FXR1: variants seen among roughly 807,000 people sequenced by gnomAD.
The protein encoded by FXR1 is FMR1 autosomal homolog 1.
FXR1 carries 15 observed loss-of-function variants against 84.0 expected under a neutral mutation model. The ratio of observed to expected loss-of-function variants is 0.18; its 90% CI spans 0.12 to 0.27. The LOEUF is 0.27. FXR1 is among the 10% of genes least tolerant of loss of function. The pLI is 1.00. For missense variants in FXR1, 480 were observed against 774.4 expected, an observed-to-expected ratio of 0.62 and a Z score of 4.51; for synonymous variants, 245 against 250.7, an observed-to-expected ratio of 0.98 and a Z score of 0.21.
At chr3:180,966,313 G>A (rs992884284) in intron 13 of FXR1, among the ~76,000 whole-genome samples, 5 of 152,006 alleles carry the variant, frequency 3.3e-5, no homozygotes, top group African/African-American at 1.2e-4. Context: ...TTTTATAATT[G>A]ACTAGTTACA....
At position 180,982,353 on chromosome 3, in the gene FXR1, C is replaced by T; in HGVS notation, c.*6061C>T. On this transcript the variant is annotated 3_prime_UTR_variant, in exon 17 of 17. Transcript: ENST00000357559. ...AATCACCTACATGATCTAGAGCCCT[C>T]ACATGGATAACATTTAAATGTTCAG... 1 of 151,938 alleles carries T rather than the reference C, an allele frequency of 6.6e-6. No homozygotes were observed. The highest frequency in any genetic ancestry group is 1.9e-4 in the East Asian group (1 of 5,182). 9.4% of individuals were successfully genotyped at this position (151,938 alleles called of 1,614,324 possible).
chr3:180,946,521 T>TA (rs1293456146), intron 3 of FXR1, among the ~76,000 whole-genome samples: 1 of 152,226 alleles, frequency 6.6e-6, no homozygotes, highest in African/African-American at 2.4e-5. Context: ...AGTCATGAGA[T>TA]ATTGATCCCT....
chr3:180,917,314 A>C (rs1035258525), intron 1 of FXR1, among the ~76,000 whole-genome samples: 11 of 152,228 alleles, frequency 7.2e-5, no homozygotes, highest in African/African-American at 2.7e-4. Flanking sequence ...ATTATAGTAA[A>C]AAGTTGCGTT....
intron 1 of FXR1, chr3:180,915,404 C>T: frequency 1.3e-6 from 1 of 756,254 alleles, no homozygotes. Context: ...TTATTCAGAA[C>T]GTTACGTATA....
Position 180,912,694 on chromosome 3 carries a change from G to A in FXR1, c.9G>A (p.Glu3=), listed in dbSNP as rs1674285691. 5 of 1,613,954 alleles carry A rather than the reference G, an allele frequency of 3.1e-6. No homozygotes were observed. Among genetic ancestry groups the A allele is most frequent in the Non-Finnish European group, 4.2e-6 (5 of 1,179,962 alleles). ...GCCTTTGCGGTTCCAACATGGCGGA[G>A]CTGACGGTGGAGGTTCGCGGCTCTA... MA[E]LTVEVRGSNG... is the part of the protein sequence containing the mutation. Residue 3 remains glutamate, a synonymous_variant, in exon 1 of 17, where the codon GAG becomes GAA. Coordinates refer to ENST00000357559, the MANE Select transcript of FXR1 (RefSeq NM_005087.4).
chr3:180,938,482 C>G (rs952115296), intron 3 of FXR1, among the ~76,000 whole-genome samples: 1 of 152,130 alleles, frequency 6.6e-6, no homozygotes, highest in Admixed American at 6.6e-5. Context: ...TGTGAATTGT[C>G]TATTTTTTGT....
chr3:180,927,090 T>G (rs1719321200), intron 1 of FXR1, among the ~76,000 whole-genome samples: 1 of 152,110 alleles, frequency 6.6e-6, no homozygotes, highest in South Asian at 2.1e-4. Context: ...TTTGATACTT[T>G]GGGAACCTTG....
intron 7 of FXR1, 32 bp downstream of exon 7, chr3:180,949,375 G>GT: frequency 1.0e-6 from 1 of 1,004,658 alleles, no homozygotes; most frequent in Non-Finnish European, 1.6e-6. Flanking sequence ...AGAGTTTTCT[G>GT]TGTCCCATTT....
At chr3:180,927,738 C>T (rs560598598) in intron 1 of FXR1, 3 of 442,018 alleles carry the variant, frequency 6.8e-6, no homozygotes, top group African/African-American at 6.1e-5. Context: ...AAGCGAAGTT[C>T]AGAACAAATT....
intron 1 of FXR1, among the ~76,000 whole-genome samples, chr3:180,916,684 G>A (rs891628275): frequency 2.0e-5 from 3 of 152,166 alleles, no homozygotes; most frequent in African/African-American, 7.2e-5. Context: ...TGGGATTACA[G>A]GTGTGAGCCA....
intron 1 of FXR1, chr3:180,914,795 T>A (rs1717682797): frequency 1.0e-6 from 1 of 983,392 alleles, no homozygotes; most frequent in Non-Finnish European, 1.2e-6. Context: ...GAGTTGGTAC[T>A]TTGACAAAGG....
intron 1 of FXR1, among the ~76,000 whole-genome samples, chr3:180,913,131 C>T (rs1253572011): frequency 6.6e-6 from 1 of 151,934 alleles, no homozygotes; most frequent in Non-Finnish European, 1.5e-5. Flanking sequence ...GCTCCCCCGC[C>T]CCTCGAACTG....
intron 3 of FXR1, 36 bp downstream of exon 3, chr3:180,935,267 T>G (rs1336760483): frequency 1.1e-6 from 1 of 923,954 alleles, no homozygotes; most frequent in Non-Finnish European, 1.8e-6. Flanking sequence ...TGTGTCTATT[T>G]TTTTGATTTA....
intron 3 of FXR1, among the ~76,000 whole-genome samples, chr3:180,937,349 T>C (rs143637471): frequency 6.6e-4 from 101 of 152,156 alleles, no homozygotes; most frequent in Admixed American, 2.0e-3. Context: ...AAACTACTCT[T>C]GGTGGGGTGG....
intron 15 of FXR1, chr3:180,971,099 G>A (rs1288385029): frequency 3.2e-6 from 4 of 1,261,458 alleles, no homozygotes; most frequent in Non-Finnish European, 4.1e-6. Context: ...AAACCCCAGC[G>A]ACGCAATCGT....
chr3:180,945,517 A>AC (rs1336731898), intron 3 of FXR1, among the ~76,000 whole-genome samples: 2 of 151,868 alleles, frequency 1.3e-5, no homozygotes, highest in Non-Finnish European at 2.9e-5. Flanking sequence ...CAATCCTTCC[A>AC]CCCTAGCCTT....
intron 13 of FXR1, among the ~76,000 whole-genome samples, chr3:180,964,358 G>A (rs1022349998): frequency 2.6e-5 from 4 of 152,134 alleles, no homozygotes; most frequent in African/African-American, 9.7e-5. Flanking sequence ...ATTGGATGAT[G>A]CGTATGATGA....
At chr3:180,945,766 T>C (rs888132068) in intron 3 of FXR1, among the ~76,000 whole-genome samples, 1 of 152,220 alleles carries the variant, frequency 6.6e-6, no homozygotes, top group Non-Finnish European at 1.5e-5. Context: ...CAAACCAGGA[T>C]GATCTGGGTT....
chr3:180,916,925 CAG>C (rs1443839655), intron 1 of FXR1, among the ~76,000 whole-genome samples: 3 of 152,118 alleles, frequency 2.0e-5, no homozygotes, highest in African/African-American at 7.2e-5. Context: ...ACCTCTGACT[CAG>C]TGGTTCAAGC....
Sources: gnomAD v4.1 joint callset for allele counts (sites outside exome capture counted in the v4.1 genomes callset) on GRCh38, gnomAD v4.1.1 for gene constraint, MANE v1.5 for transcripts, NCBI Gene and HGNC (gene_info 2026-07-23, HGNC 2026-07-21) for gene names.